The following PCNX4 variants were observed in gnomAD, a reference collection of about 807,000 sequenced individuals.
PCNX4 encodes pecanex-like protein 4.
A neutral mutation model predicts 107.2 loss-of-function variants in PCNX4; 103 were observed. That is an observed-to-expected ratio of 0.96 (90% CI 0.82 to 1.13). The LOEUF is 1.13. Among genes scored for constraint, PCNX4 ranks in the 50% most tolerant of loss-of-function variants. The pLI is 0.00. For synonymous variants in PCNX4, 541 were observed against 481.7 expected (o/e 1.12, Z -1.61); for missense variants, 1,528 against 1,379.4 (o/e 1.11, Z -1.71).
At chr14:60,099,690 A>G (rs1452436069) in intron 1 of PCNX4, among the ~76,000 whole-genome samples, 1 of 152,216 alleles carries the variant, frequency 6.6e-6, no homozygotes, top group African/African-American at 2.4e-5. Context: ...AGAGTAACAC[A>G]TTTGGCCTAT....
intron 4 of PCNX4, 97 bp from the exon 5 acceptor site, chr14:60,115,622 A>T (rs774074760): frequency 3.9e-4 from 531 of 1,352,288 alleles, no homozygotes; most frequent in Admixed American, 5.4e-4. Context: ...TTCATCGCTT[A>T]AATGTGCTCA....
At chr14:60,127,087 T>C (rs768648261) in intron 10 of PCNX4, among the ~76,000 whole-genome samples, 3 of 152,098 alleles carry the variant, frequency 2.0e-5, no homozygotes, top group Non-Finnish European at 4.4e-5. Flanking sequence ...TGCAACGGAG[T>C]GTAGACACAT....
intron 1 of PCNX4, among the ~76,000 whole-genome samples, chr14:60,104,340 A>C (rs1895591060): frequency 6.7e-6 from 1 of 150,102 alleles, no homozygotes; most frequent in African/African-American, 2.4e-5. Flanking sequence ...AAAAAAAAAA[A>C]AAAAAAAGAG....
At chr14:60,132,492 A>C (rs1461483853) in intron 10 of PCNX4, among the ~76,000 whole-genome samples, 2 of 152,222 alleles carry the variant, frequency 1.3e-5, no homozygotes, top group Non-Finnish European at 2.9e-5. Flanking sequence ...TAAACATAAG[A>C]GCCATAAAAA....
Position 60,145,479 on chromosome 14 carries a change from T to TA in PCNX4, c.*11259dup, listed in dbSNP as rs1896375371. ...GGGCAGATCACCTGAGGTCAGGAGT[T>TA]AGAGACCAGCCTGGCAAAACCCCAT... On this transcript the variant is annotated 3_prime_UTR_variant, in exon 11 of 11. Coordinates refer to ENST00000406854, the MANE Select transcript of PCNX4 (RefSeq NM_001330177.2). The surrounding 1 kb of genome is among the most constrained non-coding windows in gnomAD (Gnocchi z 4.0). 6.6e-6 allele frequency: 1 copy of TA among 152,368 alleles called. No homozygotes were observed. The highest frequency in any genetic ancestry group is 2.4e-5 in the African/African-American group (1 of 41,434). 9.4% of individuals were successfully genotyped at this position (152,368 alleles called of 1,614,324 possible).
Position 60,114,950 on chromosome 14 carries a change from TTTTTC to T in PCNX4, c.870-19_870-15del. ...ACATTTTTCTTTTCAAGTAAATATT[TTTTTC>T]TTTTTTTTTTCTGTACAGGTTATTA... On this transcript the variant is annotated intron_variant, in intron 3 of 10. Transcript: ENST00000406854. 4.1e-6 allele frequency: 6 copies of T among 1,451,882 alleles called. No homozygotes were observed. Among genetic ancestry groups the T allele is most frequent in the Non-Finnish European group, 4.5e-6 (5 of 1,104,886 alleles). The allele number at this position is 1,451,882 out of a possible 1,614,324, so 89.9% of individuals were successfully genotyped here.
At chr14:60,117,159 A>C (rs1895865243) in intron 6 of PCNX4, among the ~76,000 whole-genome samples, 1 of 152,210 alleles carries the variant, frequency 6.6e-6, no homozygotes, top group African/African-American at 2.4e-5. Context: ...AGTGTTTTAA[A>C]AATCTACAGT....
In PCNX4 at chr14:60,107,664, A is replaced by C; in HGVS notation, c.26A>C (p.Asn9Thr). The change falls in exon 2 of 11, where the codon AAT (asparagine) becomes ACT (threonine). Residue 9 changes from asparagine to threonine, a missense_variant. Physicochemically the swap from Asn to Thr is moderately conservative, Grantham distance 65 (BLOSUM62 0). Coordinates refer to ENST00000406854, the MANE Select transcript of PCNX4 (RefSeq NM_001330177.2). The part of the protein sequence containing the change: MSPDVPLL[N>T]DYKQDFFLKR... Reference sequence around the variant, plus strand: ...ATGAGTCCAGATGTGCCTCTACTGAATGATTACAAGCAGGACTTCTTTCTG... The same window carrying C: ...ATGAGTCCAGATGTGCCTCTACTGACTGATTACAAGCAGGACTTCTTTCTG... 2 of 1,612,668 alleles carry C rather than the reference A, an allele frequency of 1.2e-6. No homozygotes were observed. The highest frequency in any genetic ancestry group is 8.5e-7 in the Non-Finnish European group (1 of 1,179,802).
chr14:60,116,188 A>G, intron 6 of PCNX4, 128 bp downstream of exon 6: 2 of 909,646 alleles, frequency 2.2e-6, no homozygotes, highest in Non-Finnish European at 3.1e-6. Flanking sequence ...TCAACATCCC[A>G]AAAAGAAACC....
chr14:60,111,162 G>T (rs1895733059), intron 2 of PCNX4: 1 of 153,498 alleles, frequency 6.5e-6, no homozygotes, highest in Admixed American at 6.5e-5. Context: ...AAGCCACTCA[G>T]TCTATGATAT....
At chr14:60,116,780 G>A (rs1895856508) in intron 6 of PCNX4, among the ~76,000 whole-genome samples, 1 of 152,154 alleles carries the variant, frequency 6.6e-6, no homozygotes, top group African/African-American at 2.4e-5. Context: ...TATCATAGGA[G>A]ATGACAACTC....
rs1340767113 is a variant in PCNX4, at chr14:60,139,393, T to C, written c.*5172T>C. The C allele has an allele frequency of 1.3e-5, 2 of 152,224 alleles. No individual in the cohort carries two copies. Among genetic ancestry groups the C allele is most frequent in the East Asian group, 3.9e-4 (2 of 5,188 alleles). 9.4% of individuals were successfully genotyped at this position (152,224 alleles called of 1,614,324 possible). A position where few individuals can be genotyped will look rare whatever the true frequency, so the allele number is the denominator to read the frequency against. ...TACAAAGAGAGACAATTTGTAATGA[T>C]AAAAGATTTGATTCACCAGAAAGTT... On this transcript the variant is annotated 3_prime_UTR_variant, in exon 11 of 11. Coordinates refer to ENST00000406854, the MANE Select transcript of PCNX4 (RefSeq NM_001330177.2).
chr14:60,116,373 A>G (rs1470281229), intron 6 of PCNX4, among the ~76,000 whole-genome samples: 3 of 152,306 alleles, frequency 2.0e-5, no homozygotes, highest in South Asian at 4.1e-4. Flanking sequence ...TATGTTTTCA[A>G]GGTTCATTCA....
Position 60,134,459 on chromosome 14 carries a change from T to C in PCNX4, c.*238T>C, listed in dbSNP as rs1211641175. On this transcript the variant is annotated 3_prime_UTR_variant, in exon 11 of 11. Coordinates refer to ENST00000406854, the MANE Select transcript of PCNX4 (RefSeq NM_001330177.2). ...GCCAATATTTGTGCCCTCTGGACTT[T>C]AGTAGGCTTTGGTAAATGTGAGAAA... The C allele has an allele frequency of 1.1e-5, 5 of 439,242 alleles. No homozygotes were observed. The highest frequency in any genetic ancestry group is 4.7e-5 in the South Asian group (1 of 21,480). 27.2% of individuals were successfully genotyped at this position (439,242 alleles called of 1,614,324 possible). A position where few individuals can be genotyped will look rare whatever the true frequency, so the allele number is the denominator to read the frequency against.
rs1005205912 is a variant in PCNX4 at position 60,136,414 on chromosome 14, A to G, written c.*2193A>G. ...TACTTCAAGACTTGAAATATCATCA[A>G]TAAATTGATGATGATCAAATATATG... On this transcript the variant is annotated 3_prime_UTR_variant, in exon 11 of 11. Coordinates refer to ENST00000406854, the MANE Select transcript of PCNX4 (RefSeq NM_001330177.2). 2.6e-5 allele frequency: 4 copies of G among 152,196 alleles called. No individual in the cohort carries two copies. Among genetic ancestry groups the G allele is most frequent in the African/African-American group, 9.7e-5 (4 of 41,444 alleles). 9.4% of individuals were successfully genotyped at this position (152,196 alleles called of 1,614,324 possible).
intron 1 of PCNX4, among the ~76,000 whole-genome samples, chr14:60,096,434 T>C (rs1895426519): frequency 6.6e-6 from 1 of 152,226 alleles, no homozygotes; most frequent in African/African-American, 2.4e-5. Flanking sequence ...AGATTGAAGC[T>C]AAGTGGTCAT....
chr14:60,130,193 A>T (rs534762120), intron 10 of PCNX4, among the ~76,000 whole-genome samples: 1 of 151,856 alleles, frequency 6.6e-6, no homozygotes, highest in Non-Finnish European at 1.5e-5. Context: ...AAACAAAATT[A>T]TCCATACATG....
At chr14:60,129,649 A>T (rs1018060147) in intron 10 of PCNX4, among the ~76,000 whole-genome samples, 1 of 152,240 alleles carries the variant, frequency 6.6e-6, no homozygotes, top group African/African-American at 2.4e-5. Flanking sequence ...AGTGATAATT[A>T]TAACTATGTA....
chr14:60,121,367 C>G, intron 8 of PCNX4, 68 bp downstream of exon 8: 1 of 1,437,566 alleles, frequency 7.0e-7, no homozygotes, highest in Non-Finnish European at 9.5e-7. Context: ...CTGTTATGTT[C>G]ACATCAAACA....
Sources: allele counts gnomAD v4.1 joint callset (sites outside exome capture counted in the v4.1 genomes callset), GRCh38; gene constraint gnomAD v4.1.1; non-coding constraint Gnocchi (gnomAD v3.1); transcripts MANE v1.5; gene names NCBI Gene and HGNC (gene_info 2026-07-23, HGNC 2026-07-21).